Variants in TUSC3 observed in about 807,000 individuals in gnomAD.
The protein encoded by TUSC3 is dolichyl-diphosphooligosaccharide--protein glycosyltransferase subunit TUSC3.
A neutral mutation model predicts 44.8 loss-of-function variants in TUSC3; 45 were observed. That is an observed-to-expected ratio of 1.00 (90% CI 0.79 to 1.29). TUSC3 has a LOEUF of 1.29. Ranked by LOEUF, TUSC3 falls within the 50% of genes most tolerant of loss-of-function variation. The probability of loss-of-function intolerance (pLI) is 0.00; values close to 1 mark genes in which losing one functional copy is unlikely to be tolerated. For missense variants in TUSC3, 519 were observed against 437.9 expected (o/e 1.19, Z -1.65); for synonymous variants, 212 against 152.9 (o/e 1.39, Z -2.85).
intron 1 of TUSC3, among the ~76,000 whole-genome samples, chr8:15,460,967 C>T (rs1476808342): frequency 2.0e-5 from 3 of 152,122 alleles, no homozygotes; most frequent in South Asian, 2.1e-4. Context: ...AGTGTGATGC[C>T]TCCAGATTTA....
chr8:15,744,798 C>CTATT (rs1254918609), intron 8 of TUSC3, among the ~76,000 whole-genome samples: 1 of 152,010 alleles, frequency 6.6e-6, no homozygotes, highest in Non-Finnish European at 1.5e-5. Context: ...TGAGGACATA[C>CTATT]TATTTTTTTA....
chr8:15,454,845 T>C (rs1371949746), intron 1 of TUSC3, among the ~76,000 whole-genome samples: 1 of 152,220 alleles, frequency 6.6e-6, no homozygotes, highest in Non-Finnish European at 1.5e-5. Context: ...CTTGCATGTA[T>C]ATTTTATTCT....
chr8:15,686,778 A>T (rs1808648872), intron 6 of TUSC3, among the ~76,000 whole-genome samples: 2 of 152,284 alleles, frequency 1.3e-5, no homozygotes, highest in Middle Eastern at 3.4e-3. Context: ...TAAACAAAAA[A>T]ACCCAGCTGG....
At chr8:15,495,934 C>G (rs1204452234) in intron 2 of TUSC3, among the ~76,000 whole-genome samples, 1 of 152,148 alleles carries the variant, frequency 6.6e-6, no homozygotes, top group African/African-American at 2.4e-5. Context: ...TTGCAGGCCC[C>G]TACCTGACCC....
intron 6 of TUSC3, among the ~76,000 whole-genome samples, chr8:15,700,588 G>A (rs1239848406): frequency 6.6e-6 from 1 of 152,104 alleles, no homozygotes; most frequent in South Asian, 2.1e-4. Flanking sequence ...GTAATTTGAT[G>A]TGGTTAGTGC....
chr8:15,817,538 T>G, the TUSC3 span, among the ~76,000 whole-genome samples: 1 of 152,086 alleles, frequency 6.6e-6, no homozygotes. Flanking sequence ...GGTGGTTACC[T>G]CCATGCTGTT....
intron 6 of TUSC3, among the ~76,000 whole-genome samples, chr8:15,683,166 C>G (rs1808494113): frequency 6.6e-6 from 1 of 152,094 alleles, no homozygotes; most frequent in South Asian, 2.1e-4. Flanking sequence ...CAGGGAATCT[C>G]TGCATTTCTT....
intron 1 of TUSC3, among the ~76,000 whole-genome samples, chr8:15,543,225 T>C (rs966148406): frequency 7.0e-6 from 1 of 143,320 alleles, no homozygotes; most frequent in Non-Finnish European, 1.6e-5. Flanking sequence ...GAAAGTTAAT[T>C]TACTATTAAT....
chr8:15,750,761 AACCAGCCCCACACTCCTGTCAGCTCCCC>A lies in TUSC3; in HGVS notation c.1028+2304_1028+2331del, dbSNP rs1255968939. 3.9e-5 allele frequency among the ~76,000 whole-genome samples: 6 copies of A among 152,116 alleles called. No homozygotes were observed. In the East Asian group the frequency reaches 9.6e-4, roughly 24 times the overall value. On this transcript the variant is annotated intron_variant, in intron 9 of 10. Coordinates refer to ENST00000503731, the MANE Select transcript of TUSC3 (RefSeq NM_006765.4). The stretch of plus-strand genomic sequence containing the variant: ...TGGCATTTGAACAGTCTTCTTATGT[AACCAGCCCCACACTCCTGTCAGCTCCCC>A]ACCAGCCTAACAGGAGATAGATTTG...
In TUSC3 at chr8:15,577,944, G is replaced by A. The variant is rs559968017; in HGVS notation, c.138+37376G>A. On this transcript the variant is annotated intron_variant, in intron 1 of 10. Coordinates refer to ENST00000503731, the MANE Select transcript of TUSC3 (RefSeq NM_006765.4). ...TATGATACTGATTCTTCCTACCCAT[G>A]AGCATGGAATGTTCTTCCATTTGTT... 5.3e-5 allele frequency among the ~76,000 whole-genome samples: 8 copies of A among 150,570 alleles called. No individual in the cohort carries two copies. The South Asian group carries it at 1.5e-3, about 28-fold the overall frequency.
At chr8:15,797,737 G>A in the TUSC3 span, among the ~76,000 whole-genome samples, 19 of 152,294 alleles carry the variant, frequency 1.2e-4, no homozygotes, top group African/African-American at 4.3e-4. Flanking sequence ...AGATGCCTTG[G>A]TGCTGGGCCT....
chr8:15,597,961 G>A (rs991259976), intron 1 of TUSC3, among the ~76,000 whole-genome samples: 4 of 151,910 alleles, frequency 2.6e-5, no homozygotes, highest in African/African-American at 9.7e-5. Flanking sequence ...ATATTTACAC[G>A]CATGCACACA....
chr8:15,506,605 C>T (rs1314182778), intron 2 of TUSC3, among the ~76,000 whole-genome samples: 6 of 152,118 alleles, frequency 3.9e-5, no homozygotes, highest in South Asian at 2.1e-4. Flanking sequence ...AGCAAAGACA[C>T]GCCTTACATG....
the TUSC3 span, among the ~76,000 whole-genome samples, chr8:15,788,395 A>C: frequency 2.6e-5 from 4 of 152,052 alleles, no homozygotes; most frequent in African/African-American, 9.7e-5. Flanking sequence ...AAAAATAAAC[A>C]AATTAGCCGG....
At chr8:15,825,693 T>A in the TUSC3 span, among the ~76,000 whole-genome samples, 1 of 152,134 alleles carries the variant, frequency 6.6e-6, no homozygotes, top group East Asian at 1.9e-4. Context: ...ATAAGTGCCT[T>A]GAAGTGTTAC....
At chr8:15,497,951 G>A (rs1800905957) in intron 2 of TUSC3, among the ~76,000 whole-genome samples, 1 of 151,950 alleles carries the variant, frequency 6.6e-6, no homozygotes, top group South Asian at 2.1e-4. Context: ...GTTTCACCAT[G>A]TTTGCCAGGC....
chr8:15,804,886 T>C, the TUSC3 span, among the ~76,000 whole-genome samples: 2 of 152,222 alleles, frequency 1.3e-5, no homozygotes, highest in African/African-American at 4.8e-5. Flanking sequence ...GGTAGTTTGA[T>C]AGGAATGGCA....
intron 6 of TUSC3, among the ~76,000 whole-genome samples, chr8:15,692,556 C>G (rs1424340097): frequency 6.6e-6 from 1 of 151,400 alleles, no homozygotes; most frequent in African/African-American, 2.4e-5. Flanking sequence ...GATTCACTTT[C>G]TTCCTGGTTC....
intron 6 of TUSC3, among the ~76,000 whole-genome samples, chr8:15,721,838 C>T (rs182998764): frequency 1.4e-4 from 22 of 151,998 alleles, no homozygotes; most frequent in Admixed American, 7.2e-4. Context: ...TTTTTGTTGT[C>T]TCAACATTTA....
Sources: allele counts gnomAD v4.1 joint callset (sites outside exome capture counted in the v4.1 genomes callset), GRCh38; gene constraint gnomAD v4.1.1; transcripts MANE v1.5; gene names NCBI Gene and HGNC (gene_info 2026-07-23, HGNC 2026-07-21).